Variants in SMAP1 observed in about 807,000 individuals in gnomAD.
SMAP1 encodes stromal membrane-associated protein 1.
In SMAP1, 24 loss-of-function variants were observed where a neutral mutation model predicts 58.5. The observed-to-expected ratio is 0.41, with a 90% CI of 0.30 to 0.58. The LOEUF (loss-of-function observed/expected upper bound fraction) is 0.58. Ranked by LOEUF, SMAP1 falls within the 20% of genes least tolerant of loss-of-function variation. The pLI is 0.29. For missense variants in SMAP1, 563 were observed against 566.3 expected, an observed-to-expected ratio of 0.99 and a Z score of 0.06; for synonymous variants, 216 against 196.6, an observed-to-expected ratio of 1.10 and a Z score of -0.82.
intron 6 of SMAP1, among the ~76,000 whole-genome samples, chr6:70,806,338 T>C (rs1247446126): frequency 1.3e-5 from 2 of 152,236 alleles, no homozygotes; most frequent in Non-Finnish European, 2.9e-5. Flanking sequence ...AATCTCCTGG[T>C]CTGCCGGTTG....
chr6:70,673,652 G>A (rs151036398), intron 1 of SMAP1, among the ~76,000 whole-genome samples: 31 of 152,338 alleles, frequency 2.0e-4, no homozygotes, highest in African/African-American at 7.2e-4. Context: ...ATTTATATAA[G>A]TGAAAGTCTG....
intron 3 of SMAP1, among the ~76,000 whole-genome samples, chr6:70,767,470 T>C (rs934394842): frequency 1.7e-4 from 26 of 152,208 alleles, no homozygotes; most frequent in African/African-American, 6.3e-4. Context: ...TTCACATCCC[T>C]TGTAAGTTGG....
At chr6:70,803,486 C>G (rs1304251229) in intron 6 of SMAP1, among the ~76,000 whole-genome samples, 1 of 152,138 alleles carries the variant, frequency 6.6e-6, no homozygotes, top group African/African-American at 2.4e-5. Flanking sequence ...TTTTGTGTCT[C>G]TATTTCCTTC....
At chr6:70,714,830 C>T (rs1176057508) in intron 1 of SMAP1, among the ~76,000 whole-genome samples, 2 of 152,248 alleles carry the variant, frequency 1.3e-5, no homozygotes, top group Non-Finnish European at 2.9e-5. Context: ...GGTTTGAGAA[C>T]ACCTTTATCT....
At chr6:70,852,779 T>C in intron 8 of SMAP1, 115 bp downstream of exon 8, 1 of 1,236,912 alleles carries the variant, frequency 8.1e-7, no homozygotes, top group Non-Finnish European at 1.1e-6. Flanking sequence ...AAAAGTCTCC[T>C]GTTCTTTAGG....
chr6:70,768,125 T>C (rs572557376), intron 3 of SMAP1, among the ~76,000 whole-genome samples: 4 of 152,232 alleles, frequency 2.6e-5, no homozygotes. Context: ...TGGTTAAGTT[T>C]TTGATGTGCT....
rs35577736 is a variant in SMAP1, at chr6:70,808,902, CTGTGTGTGTGTG to C, written c.576+10193_576+10204del. On this transcript the variant is annotated intron_variant, in intron 6 of 10. Transcript: ENST00000370455. ...TTTATTTCTAGTGCAGGCTGTTTCCCTGTGTGTGTGTGTGTGTGTGTGTGTGTGTGTGTGTGT... is the reference window on the plus strand; with the variant it reads ...TTTATTTCTAGTGCAGGCTGTTTCCCTGTGTGTGTGTGTGTGTGTGTGTGT... 2.4e-3 allele frequency among the ~76,000 whole-genome samples: 344 copies of C among 144,760 alleles called. 1 individual carries two copies. The highest frequency in any genetic ancestry group is 3.7e-3 in the Admixed American group (54 of 14,462). The allele number at this position is 144,760 out of a possible 152,430, so 95.0% of individuals were successfully genotyped here. A position where few individuals can be genotyped will look rare whatever the true frequency, so the allele number is the denominator to read the frequency against.
At chr6:70,727,888 C>T (rs1765252304) in intron 1 of SMAP1, among the ~76,000 whole-genome samples, 1 of 152,048 alleles carries the variant, frequency 6.6e-6, no homozygotes, top group Non-Finnish European at 1.5e-5. Flanking sequence ...CATGGTGAAA[C>T]CCTGTCTCTA....
At chr6:70,857,159 A>G in intron 9 of SMAP1, 129 bp downstream of exon 9, 3 of 904,090 alleles carry the variant, frequency 3.3e-6, no homozygotes, top group Non-Finnish European at 4.6e-6. Context: ...CAGTTTATAC[A>G]ACTATGAAGC....
intron 5 of SMAP1, among the ~76,000 whole-genome samples, chr6:70,794,577 G>A (rs940856167): frequency 2.0e-5 from 3 of 152,098 alleles, no homozygotes; most frequent in Non-Finnish European, 4.4e-5. Context: ...GACAGGCACC[G>A]GTGTGTGATG....
intron 1 of SMAP1, among the ~76,000 whole-genome samples, chr6:70,689,831 A>G (rs1277316244): frequency 1.3e-5 from 2 of 152,050 alleles, no homozygotes; most frequent in South Asian, 2.1e-4. Context: ...TGCTATTGTA[A>G]AAGATACTTT....
At chr6:70,768,091 G>A (rs1767083619) in intron 3 of SMAP1, among the ~76,000 whole-genome samples, 1 of 152,156 alleles carries the variant, frequency 6.6e-6, no homozygotes, top group African/African-American at 2.4e-5. Flanking sequence ...TTACATCCCA[G>A]GGATGAAGCC....
At chr6:70,756,586 G>A (rs1766500452) in intron 3 of SMAP1, among the ~76,000 whole-genome samples, 1 of 152,050 alleles carries the variant, frequency 6.6e-6, no homozygotes. Flanking sequence ...AGCTTGGAAG[G>A]TATTTTGGTC....
At chr6:70,693,840 G>A (rs1274821847) in intron 1 of SMAP1, 3 of 152,150 alleles carry the variant, frequency 2.0e-5, no homozygotes, top group East Asian at 1.9e-4. Flanking sequence ...AATTTAAGGG[G>A]TTTCTTGGGT....
At chr6:70,734,580 A>G (rs1353692192) in intron 2 of SMAP1, 1 of 152,592 alleles carries the variant, frequency 6.6e-6, no homozygotes, top group Non-Finnish European at 1.5e-5. Flanking sequence ...GCTGCTCAGC[A>G]TCGCCTGTGC....
At chr6:70,801,204 C>T (rs979431523) in intron 6 of SMAP1, among the ~76,000 whole-genome samples, 7 of 152,184 alleles carry the variant, frequency 4.6e-5, no homozygotes, top group Non-Finnish European at 7.4e-5. Context: ...TTTTAATGAT[C>T]GCGATTCTAC....
chr6:70,832,951 C>T lies in SMAP1; in HGVS notation c.577-3990C>T, dbSNP rs545178659. Among the ~76,000 whole-genome samples the T allele has an allele frequency of 1.1e-3, 169 of 152,250 alleles. 2 individuals are homozygous for T. The highest frequency in any genetic ancestry group is 2.0e-3 in the Non-Finnish European group (139 of 68,024). Reference sequence around the variant, plus strand: ...GAGTCTGTATTTTAAGTTATTATTACTCATCTAGGACTAGGAACATAAGTA... The same window carrying T: ...GAGTCTGTATTTTAAGTTATTATTATTCATCTAGGACTAGGAACATAAGTA... On this transcript the variant is annotated intron_variant, in intron 6 of 10. Coordinates refer to ENST00000370455, the MANE Select transcript of SMAP1 (RefSeq NM_001044305.3).
intron 6 of SMAP1, among the ~76,000 whole-genome samples, chr6:70,827,228 T>C (rs1770170486): frequency 6.6e-6 from 1 of 152,154 alleles, no homozygotes; most frequent in Non-Finnish European, 1.5e-5. Context: ...GCCATATTGT[T>C]CAAATTTTCA....
chr6:70,815,628 C>G (rs1162376825), intron 6 of SMAP1, among the ~76,000 whole-genome samples: 1 of 151,984 alleles, frequency 6.6e-6, no homozygotes, highest in African/African-American at 2.4e-5. Flanking sequence ...TGTTTCATGC[C>G]CCACCCCACT....
Sources: gnomAD v4.1 joint callset for allele counts (sites outside exome capture counted in the v4.1 genomes callset) on GRCh38, gnomAD v4.1.1 for gene constraint, MANE v1.5 for transcripts, NCBI Gene and HGNC (gene_info 2026-07-23, HGNC 2026-07-21) for gene names.